The following UTRN variants were observed in gnomAD, a reference collection of about 807,000 sequenced individuals.
The protein encoded by UTRN is dystrophin-related protein 1.
Under a neutral mutation model 463.9 loss-of-function variants are expected in UTRN, and 283 were observed. The observed-to-expected ratio is 0.61, with a 90% CI of 0.55 to 0.67. The LOEUF (loss-of-function observed/expected upper bound fraction) is 0.67, where lower values mean the gene tolerates loss of function less well. Ranked by LOEUF, UTRN falls within the 30% of genes least tolerant of loss-of-function variation. The probability of loss-of-function intolerance (pLI) is 0.00; values close to 1 mark genes in which losing one functional copy is unlikely to be tolerated. For missense variants in UTRN, 3,922 were observed against 4,084.3 expected (o/e 0.96, Z 1.08); for synonymous variants, 1,442 against 1,431.5 (o/e 1.01, Z -0.17).
chr6:144,352,606 T>C (rs1404185608), intron 2 of UTRN, among the ~76,000 whole-genome samples: 1 of 152,222 alleles, frequency 6.6e-6, no homozygotes, highest in African/African-American at 2.4e-5. Flanking sequence ...ATTTATTTGG[T>C]GACTAAGTGA....
At chr6:144,521,573 T>C (rs1187022460) in intron 39 of UTRN, among the ~76,000 whole-genome samples, 1 of 152,190 alleles carries the variant, frequency 6.6e-6, no homozygotes, top group Non-Finnish European at 1.5e-5. Context: ...TGAGGTCCAA[T>C]TTTAAAATTG....
At chr6:144,479,246 G>A (rs1791597514) in intron 25 of UTRN, among the ~76,000 whole-genome samples, 1 of 150,258 alleles carries the variant, frequency 6.7e-6, no homozygotes, top group South Asian at 2.1e-4. Context: ...TACCTCCCAA[G>A]TAGCTGGGAC....
intron 69 of UTRN, among the ~76,000 whole-genome samples, chr6:144,829,727 A>G (rs995044679): frequency 6.6e-6 from 1 of 151,192 alleles, no homozygotes; most frequent in Non-Finnish European, 1.5e-5. Flanking sequence ...AAAAAAAACT[A>G]TGGAGAGTGC....
rs775940781 is a variant in UTRN at position 144,754,779 on chromosome 6, C to G, written c.8415C>G (p.Ser2805=). 4.3e-6 allele frequency: 7 copies of G among 1,613,528 alleles called. No homozygotes were observed. The highest frequency in any genetic ancestry group is 5.9e-6 in the Non-Finnish European group (7 of 1,179,704). Residue 2805 remains serine (S), a synonymous_variant, in exon 57 of 75, where the codon TCC becomes TCG. Transcript: ENST00000367545. ...AAGCCCACAGAGATTTTGGACCATC[C>G]TCTCAGCATTTTCTCTCTAGTAAGT... ...LQEAHRDFGP[S]SQHFLSTSVQ...
intron 3 of UTRN, among the ~76,000 whole-genome samples, chr6:144,412,734 G>GTA (rs1784013445): frequency 7.2e-6 from 1 of 139,722 alleles, no homozygotes; most frequent in African/African-American, 2.6e-5. Context: ...GTGTGTGTGT[G>GTA]TGTATATATA....
intron 2 of UTRN, among the ~76,000 whole-genome samples, chr6:144,328,784 CCAGA>C (rs969827375): frequency 1.3e-5 from 2 of 151,662 alleles, no homozygotes; most frequent in Non-Finnish European, 2.9e-5. Context: ...TTTAGTGAAG[CCAGA>C]CAAATTTTTT....
At chr6:144,835,628 A>C in intron 69 of UTRN, 152 bp from the exon 70 acceptor site, 2 of 922,886 alleles carry the variant, frequency 2.2e-6, no homozygotes, top group Non-Finnish European at 1.6e-6. Context: ...ACTTCTTCCT[A>C]GAGTTTTAAA....
chr6:144,417,137 C>T (rs1309573483), intron 3 of UTRN, among the ~76,000 whole-genome samples: 2 of 152,126 alleles, frequency 1.3e-5, no homozygotes, highest in Admixed American at 1.3e-4. Context: ...AAATAGTCTG[C>T]ATTTTGAATT....
In UTRN at chr6:144,748,443, G is replaced by T. The variant is rs751028495; in HGVS notation, c.8137G>T (p.Val2713Leu). 2 of 1,614,004 alleles carry T rather than the reference G, an allele frequency of 1.2e-6. No homozygotes were observed. The highest frequency in any genetic ancestry group is 1.7e-6 in the Non-Finnish European group (2 of 1,179,938). Reference sequence around the variant, plus strand: ...CGCTGACATGAAGGAGGCAGAGTCCGTGCGGAATGGCTGGAAGCCCGTGGG... The same window carrying T: ...CGCTGACATGAAGGAGGCAGAGTCCTTGCGGAATGGCTGGAAGCCCGTGGG... The part of the protein sequence containing the change: ...LDADMKEAES[V>L]RNGWKPVGDL... Residue 2713 changes from valine (V) to leucine (L), a missense_variant, in exon 55 of 75, where the codon GTG becomes TTG. Transcript: ENST00000367545.
At chr6:144,289,896 C>T (rs1422614743) in intron 1 of UTRN, among the ~76,000 whole-genome samples, 1 of 152,106 alleles carries the variant, frequency 6.6e-6, no homozygotes, top group South Asian at 2.1e-4. Context: ...TCAGGTGATG[C>T]ACCTGCCTTG....
At chr6:144,772,853 G>T (rs1226533751) in intron 59 of UTRN, among the ~76,000 whole-genome samples, 1 of 151,952 alleles carries the variant, frequency 6.6e-6, no homozygotes. Flanking sequence ...GTTTTTTTAA[G>T]TTTTCTCTTT....
At chr6:144,658,816 T>C (rs910154622) in intron 51 of UTRN, among the ~76,000 whole-genome samples, 3 of 152,228 alleles carry the variant, frequency 2.0e-5, no homozygotes, top group African/African-American at 7.2e-5. Context: ...GGATTGGAGT[T>C]TTTTTCTTTA....
chr6:144,359,801 T>A (rs188319186), intron 2 of UTRN, among the ~76,000 whole-genome samples: 9 of 152,170 alleles, frequency 5.9e-5, no homozygotes, highest in African/African-American at 2.2e-4. Context: ...TAAGCCTGTA[T>A]TACATTTCAT....
chr6:144,416,776 C>G (rs751703339), intron 3 of UTRN, among the ~76,000 whole-genome samples: 1 of 152,072 alleles, frequency 6.6e-6, no homozygotes, highest in Non-Finnish European at 1.5e-5. Context: ...CAAGACTGTT[C>G]ATTTATACCA....
intron 2 of UTRN, 22 bp from the exon 3 acceptor site, chr6:144,403,101 T>C: frequency 1.2e-6 from 2 of 1,608,564 alleles, no homozygotes; most frequent in Non-Finnish European, 1.7e-6. Context: ...TTTTTCCTTC[T>C]CTTTCTTTTT....
chr6:144,494,659 AG>A (rs1424673039), intron 33 of UTRN, among the ~76,000 whole-genome samples: 2 of 152,174 alleles, frequency 1.3e-5, no homozygotes, highest in African/African-American at 4.8e-5. Context: ...ACAATCCCTG[AG>A]CTAGACACAA....
Position 144,537,600 on chromosome 6 carries a change from G to A in UTRN, c.6252G>A (p.Lys2084=). 1 of 1,592,630 alleles carries A rather than the reference G, an allele frequency of 6.3e-7. No individual in the cohort carries two copies. The highest frequency in any genetic ancestry group is 8.5e-7 in the Non-Finnish European group (1 of 1,171,212). ...DRQPRLKGES[K]QVMKYRHQLD... is the part of the protein sequence containing the mutation. ...CTTTTAGGCTAAAAGGAGAAAGTAA[G>A]CAGGTGATGAAGTACAGGCATCAGC... The change falls in exon 44 of 75, where the codon AAG becomes AAA. Residue 2084 remains lysine (K), a synonymous_variant. Transcript: ENST00000367545.
chr6:144,473,697 C>T (rs751659460), intron 23 of UTRN, 23 bp from the exon 24 acceptor site: 10 of 1,596,874 alleles, frequency 6.3e-6, no homozygotes, highest in Admixed American at 1.7e-5. Flanking sequence ...GTAATATCCC[C>T]CTCTGTTATC....
At chr6:144,637,641 T>TAA (rs1302071683) in intron 51 of UTRN, among the ~76,000 whole-genome samples, 2 of 144,010 alleles carry the variant, frequency 1.4e-5, no homozygotes, top group East Asian at 4.0e-4. Context: ...ACACGTTGTT[T>TAA]AAAAAAAAAA....
Sources: allele counts gnomAD v4.1 joint callset (sites outside exome capture counted in the v4.1 genomes callset), GRCh38; gene constraint gnomAD v4.1.1; transcripts MANE v1.5; gene names NCBI Gene and HGNC (gene_info 2026-07-23, HGNC 2026-07-21).